PAQR5: variants seen among roughly 807,000 people sequenced by gnomAD.
PAQR5 encodes the protein membrane progestin receptor gamma.
Under a neutral mutation model 34.5 loss-of-function variants are expected in PAQR5, and 20 were observed. That is an observed-to-expected ratio of 0.58 (90% CI 0.41 to 0.84). PAQR5 has a LOEUF of 0.84. PAQR5 is among the 40% of genes least tolerant of loss of function. PAQR5 has a pLI of 0.00. For synonymous variants in PAQR5, 131 were observed against 155.6 expected (o/e 0.84, Z 1.18); for missense variants, 378 against 412.7 (o/e 0.92, Z 0.73).
intron 4 of PAQR5, among the ~76,000 whole-genome samples, chr15:69,384,288 G>A (rs2056033892): frequency 7.0e-6 from 1 of 142,668 alleles, no homozygotes; most frequent in Non-Finnish European, 1.5e-5. Context: ...TGTTCGTGGT[G>A]GAGGGTGAGT....
intron 3 of PAQR5, among the ~76,000 whole-genome samples, chr15:69,378,104 A>G (rs2055759840): frequency 6.6e-6 from 1 of 151,720 alleles, no homozygotes; most frequent in Non-Finnish European, 1.5e-5. Flanking sequence ...CTCTACTAGT[A>G]ATACAAAAAA....
intron 2 of PAQR5, among the ~76,000 whole-genome samples, chr15:69,341,497 C>T (rs936508609): frequency 1.1e-4 from 16 of 151,758 alleles, no homozygotes; most frequent in African/African-American, 3.9e-4. Flanking sequence ...GCTGAGATTA[C>T]AGGCATGAAC....
chr15:69,331,000 T>C (rs1388855142), intron 1 of PAQR5, among the ~76,000 whole-genome samples: 1 of 152,174 alleles, frequency 6.6e-6, no homozygotes, highest in Non-Finnish European at 1.5e-5. Context: ...AGGGGCTGAC[T>C]CAGGGACTCT....
chr15:69,372,592 G>C (rs754745073), intron 3 of PAQR5, among the ~76,000 whole-genome samples: 2 of 152,092 alleles, frequency 1.3e-5, no homozygotes, highest in Non-Finnish European at 2.9e-5. Flanking sequence ...ACTGAATATT[G>C]AACACATTAT....
intron 1 of PAQR5, among the ~76,000 whole-genome samples, chr15:69,325,198 C>T (rs1328394537): frequency 1.3e-5 from 2 of 152,152 alleles, no homozygotes; most frequent in Non-Finnish European, 2.9e-5. Flanking sequence ...CGCGCCTGGC[C>T]CCAAGCTTCA....
At chr15:69,377,821 C>T (rs1171542990) in intron 3 of PAQR5, among the ~76,000 whole-genome samples, 1 of 152,170 alleles carries the variant, frequency 6.6e-6, no homozygotes, top group Non-Finnish European at 1.5e-5. Context: ...GACTGCTTGA[C>T]TTGGAACCCC....
intron 3 of PAQR5, 196 bp from the exon 4 acceptor site, chr15:69,379,687 T>A: frequency 3.7e-6 from 3 of 814,278 alleles, no homozygotes; most frequent in Non-Finnish European, 4.5e-6. Context: ...CCCAGCTAGC[T>A]GGAGGCTTCT....
chr15:69,299,029 C>G lies in PAQR5; in HGVS notation c.-304C>G, dbSNP rs71411035. On this transcript the variant is annotated 5_prime_UTR_variant, in exon 1 of 9. Transcript: ENST00000395407. ...CTGTGCTGTCCCCGCGCCCTGTCCA[C>G]TGGACTCCCGAGACCCTTGGAACCC... The G allele has an allele frequency of 0.014, 2,186 of 152,164 alleles. 19 individuals are homozygous for G. Among genetic ancestry groups the G allele is most frequent in the Non-Finnish European group, 0.023 (1,593 of 68,018 alleles). The allele number at this position is 152,164 out of a possible 1,614,324, so 9.4% of individuals were successfully genotyped here.
rs2054751056 is a variant in PAQR5, at chr15:69,345,666, AAC to A, written c.-116+8172_-116+8173del. On this transcript the variant is annotated intron_variant, in intron 2 of 8. Coordinates refer to ENST00000395407, the MANE Select transcript of PAQR5 (RefSeq NM_017705.4). ...TCAGCATGTCCTGGAGAGTGCATTA[AAC>A]ACACACTCTCTTTTTGTTTTGATTT... 3.3e-5 allele frequency among the ~76,000 whole-genome samples: 5 copies of A among 152,304 alleles called. No individual in the cohort carries two copies. The South Asian group carries it at 1.0e-3, about 32-fold the overall frequency.
intron 5 of PAQR5, among the ~76,000 whole-genome samples, chr15:69,386,733 A>T (rs891117260): frequency 6.6e-6 from 1 of 151,426 alleles, no homozygotes; most frequent in Non-Finnish European, 1.5e-5. Flanking sequence ...CTCCCCAGAG[A>T]TCTCCTCCAT....
intron 3 of PAQR5, among the ~76,000 whole-genome samples, chr15:69,365,564 T>G (rs1480802512): frequency 6.6e-6 from 1 of 152,214 alleles, no homozygotes; most frequent in African/African-American, 2.4e-5. Context: ...TTGTGATAGA[T>G]CTCTTTAATC....
At position 69,343,787 on chromosome 15, in the gene PAQR5, T is replaced by G. The variant is rs112212462; in HGVS notation, c.-116+6286T>G. 7.5e-3 allele frequency among the ~76,000 whole-genome samples: 1,142 copies of G among 152,306 alleles called. 11 individuals are homozygous for G. The highest frequency in any genetic ancestry group is 0.026 in the African/African-American group (1,093 of 41,558). ...CCAGCTGATAGATAGTGTCTGAAGT[T>G]GATTGAAATACAATCCTAGGTTCAT... On this transcript the variant is annotated intron_variant, in intron 2 of 8. Coordinates refer to ENST00000395407, the MANE Select transcript of PAQR5 (RefSeq NM_017705.4).
At chr15:69,367,864 C>T (rs1400363868) in intron 3 of PAQR5, among the ~76,000 whole-genome samples, 2 of 152,150 alleles carry the variant, frequency 1.3e-5, no homozygotes, top group African/African-American at 4.8e-5. Context: ...GTGGGCCTTT[C>T]AGAGTTGTCC....
chr15:69,359,832 T>C, intron 2 of PAQR5, 134 bp from the exon 3 acceptor site: 1 of 460,628 alleles, frequency 2.2e-6, no homozygotes, highest in Non-Finnish European at 3.9e-6. Context: ...ATCATTTTGC[T>C]GTTTTTAAGG....
intron 1 of PAQR5, among the ~76,000 whole-genome samples, chr15:69,315,039 C>A (rs957952484): frequency 3.3e-5 from 5 of 152,098 alleles, no homozygotes; most frequent in Non-Finnish European, 1.5e-5. Context: ...GAGTGGTCGT[C>A]TCTATTCTCT....
intron 1 of PAQR5, among the ~76,000 whole-genome samples, chr15:69,327,319 G>A (rs1004122716): frequency 6.6e-6 from 1 of 152,090 alleles, no homozygotes; most frequent in Non-Finnish European, 1.5e-5. Flanking sequence ...AAACACTTTA[G>A]GCATCAGAAG....
intron 2 of PAQR5, 163 bp from the exon 3 acceptor site, chr15:69,359,803 T>C: frequency 2.7e-6 from 1 of 371,212 alleles, no homozygotes; most frequent in Non-Finnish European, 4.9e-6. Context: ...ACTCTTGGAG[T>C]GGATGACTCA....
chr15:69,336,853 A>G (rs2054525846), intron 1 of PAQR5, among the ~76,000 whole-genome samples: 1 of 152,204 alleles, frequency 6.6e-6, no homozygotes, highest in Non-Finnish European at 1.5e-5. Flanking sequence ...GTACATTATT[A>G]ATAATTATAA....
At chr15:69,330,703 T>C (rs2054359304) in intron 1 of PAQR5, among the ~76,000 whole-genome samples, 1 of 152,176 alleles carries the variant, frequency 6.6e-6, no homozygotes, top group South Asian at 2.1e-4. Context: ...CAAGTTATCC[T>C]TAAAAACTCT....
Sources: allele counts gnomAD v4.1 joint callset (sites outside exome capture counted in the v4.1 genomes callset), GRCh38; gene constraint gnomAD v4.1.1; transcripts MANE v1.5; gene names NCBI Gene and HGNC (gene_info 2026-07-23, HGNC 2026-07-21).